The following ROBO2 variants were observed in gnomAD, a reference collection of about 807,000 sequenced individuals.
ROBO2 encodes roundabout guidance receptor 2, also known as roundabout homolog 2.
In ROBO2, 53 loss-of-function variants were observed where a neutral mutation model predicts 160.8. The ratio of observed to expected loss-of-function variants is 0.33; its 90% CI spans 0.26 to 0.41. The LOEUF is 0.41. Ranked by LOEUF, ROBO2 falls within the 10% of genes least tolerant of loss-of-function variation. The pLI, the probability that ROBO2 is intolerant of heterozygous loss-of-function variation, is 1.00. For synonymous variants in ROBO2, 664 were observed against 611.7 expected, an observed-to-expected ratio of 1.09 and a Z score of -1.26; for missense variants, 1,577 against 1,722.4, an observed-to-expected ratio of 0.92 and a Z score of 1.49.
chr3:77,245,839 A>AATG (rs1302895114), intron 2 of ROBO2, among the ~76,000 whole-genome samples: 1 of 152,238 alleles, frequency 6.6e-6, no homozygotes, highest in Non-Finnish European at 1.5e-5. Flanking sequence ...GATGTCACAG[A>AATG]ATGATGTTGC....
intron 2 of ROBO2, among the ~76,000 whole-genome samples, chr3:76,578,709 C>T (rs2108685470): frequency 6.6e-6 from 1 of 152,208 alleles, no homozygotes; most frequent in South Asian, 2.1e-4. Context: ...TCATGAGTCC[C>T]ATCACTTCAG....
intron 2 of ROBO2, among the ~76,000 whole-genome samples, chr3:76,000,649 T>C (rs1361338643): frequency 6.6e-6 from 1 of 151,884 alleles, no homozygotes; most frequent in African/African-American, 2.4e-5. Flanking sequence ...CCACCACACC[T>C]GGCTAATTTT....
At chr3:77,346,557 G>A (rs748047142) in intron 2 of ROBO2, among the ~76,000 whole-genome samples, 7 of 152,154 alleles carry the variant, frequency 4.6e-5, no homozygotes, top group Non-Finnish European at 1.0e-4. Context: ...TAGGTAAGAA[G>A]TTTAGGCTCA....
intron 2 of ROBO2, among the ~76,000 whole-genome samples, chr3:76,649,251 A>G (rs1349478221): frequency 6.6e-6 from 1 of 152,138 alleles, no homozygotes; most frequent in Non-Finnish European, 1.5e-5. Context: ...CTATTATATC[A>G]TGAATTAGCC....
intron 4 of ROBO2, among the ~76,000 whole-genome samples, chr3:77,490,217 C>G (rs1299492658): frequency 6.6e-6 from 1 of 151,380 alleles, no homozygotes; most frequent in Non-Finnish European, 1.5e-5. Context: ...TCTCCTGCCT[C>G]AGCCTCCCGA....
intron 2 of ROBO2, among the ~76,000 whole-genome samples, chr3:77,301,463 C>T (rs1329285254): frequency 6.6e-6 from 1 of 152,086 alleles, no homozygotes; most frequent in Non-Finnish European, 1.5e-5. Context: ...ATTGCATATG[C>T]ATGTATTACA....
intron 2 of ROBO2, among the ~76,000 whole-genome samples, chr3:76,709,020 C>A (rs1253254290): frequency 6.6e-6 from 1 of 152,030 alleles, no homozygotes; most frequent in East Asian, 1.9e-4. Flanking sequence ...CTCAAAAGGT[C>A]AATATAGATA....
chr3:76,217,961 A>G (rs898022764), intron 2 of ROBO2, among the ~76,000 whole-genome samples: 3 of 152,194 alleles, frequency 2.0e-5, no homozygotes, highest in African/African-American at 7.2e-5. Context: ...AAGCTTATCC[A>G]CCATGATCAA....
chr3:76,445,972 A>G (rs2077160551), intron 2 of ROBO2, among the ~76,000 whole-genome samples: 1 of 152,144 alleles, frequency 6.6e-6, no homozygotes, highest in Admixed American at 6.6e-5. Flanking sequence ...CCCTTTGAAA[A>G]CTGGCACAAG....
At chr3:76,811,226 C>G (rs2065136988) in intron 2 of ROBO2, among the ~76,000 whole-genome samples, 1 of 152,108 alleles carries the variant, frequency 6.6e-6, no homozygotes, top group African/African-American at 2.4e-5. Flanking sequence ...ATATAGAGTA[C>G]TTGGTGAATG....
At chr3:76,968,762 C>A (rs2059430044) in intron 2 of ROBO2, among the ~76,000 whole-genome samples, 1 of 152,298 alleles carries the variant, frequency 6.6e-6, no homozygotes, top group Admixed American at 6.5e-5. Context: ...ATTATAATCT[C>A]ATCAATGATT....
intron 2 of ROBO2, among the ~76,000 whole-genome samples, chr3:76,790,827 A>G (rs1181475572): frequency 7.9e-5 from 12 of 151,796 alleles, no homozygotes; most frequent in Non-Finnish European, 1.6e-4. Flanking sequence ...GGTTAAAAGC[A>G]TGGGCCCTTG....
At position 77,003,287 on chromosome 3, in the gene ROBO2, A is replaced by G. The variant is rs59027990; in HGVS notation, c.110-94727A>G. Among the ~76,000 whole-genome samples the G allele has an allele frequency of 4.5e-3, 688 of 152,276 alleles. 3 individuals are homozygous for G. The highest frequency in any genetic ancestry group is 0.016 in the African/African-American group (655 of 41,552). On this transcript the variant is annotated intron_variant, in intron 2 of 26. Transcript: ENST00000487694. The stretch of plus-strand genomic sequence containing the variant: ...AAATATGGGAGCAAGACACCTCCAT[A>G]TCCAGGAAGAATTCAGAATAGGCAA...
intron 2 of ROBO2, among the ~76,000 whole-genome samples, chr3:76,437,855 A>G (rs1421351014): frequency 2.6e-5 from 4 of 152,160 alleles, no homozygotes; most frequent in African/African-American, 7.2e-5. Flanking sequence ...TGCCAACAAC[A>G]TATCTGCCTC....
intron 2 of ROBO2, among the ~76,000 whole-genome samples, chr3:76,142,422 C>G (rs2071706038): frequency 6.6e-6 from 1 of 151,824 alleles, no homozygotes; most frequent in Non-Finnish European, 1.5e-5. Context: ...AAATGACCAT[C>G]AGTAGATGAA....
chr3:77,593,614 G>A (rs2094229923), intron 17 of ROBO2, among the ~76,000 whole-genome samples: 1 of 152,154 alleles, frequency 6.6e-6, no homozygotes, highest in Non-Finnish European at 1.5e-5. Flanking sequence ...ACTGTCTCAT[G>A]AAGACCCTTG....
intron 2 of ROBO2, among the ~76,000 whole-genome samples, chr3:76,208,672 C>T (rs1702955882): frequency 6.6e-6 from 1 of 152,138 alleles, no homozygotes; most frequent in Admixed American, 6.6e-5. Flanking sequence ...ATTTCCTGTT[C>T]CTTTATTGTT....
chr3:76,745,608 G>C (rs2093872334), intron 2 of ROBO2, among the ~76,000 whole-genome samples: 2 of 151,906 alleles, frequency 1.3e-5, no homozygotes, highest in African/African-American at 4.8e-5. Flanking sequence ...GTTCCTGATT[G>C]TGGCCCTTTT....
intron 2 of ROBO2, among the ~76,000 whole-genome samples, chr3:76,703,248 C>A (rs2093084642): frequency 6.6e-6 from 1 of 152,044 alleles, no homozygotes; most frequent in South Asian, 2.1e-4. Context: ...TGCTCTATGA[C>A]CTTTAAGGAC....
Sources: gnomAD v4.1 joint callset for allele counts (sites outside exome capture counted in the v4.1 genomes callset) on GRCh38, gnomAD v4.1.1 for gene constraint, MANE v1.5 for transcripts, NCBI Gene and HGNC (gene_info 2026-07-23, HGNC 2026-07-21) for gene names.